Variants in ADARB1 observed in about 807,000 individuals in gnomAD.
The protein encoded by ADARB1 is adenosine deaminase RNA specific B1, also known as double-stranded RNA-specific editase 1.
In ADARB1, 10 loss-of-function variants were observed where a neutral mutation model predicts 52.4. The observed-to-expected ratio is 0.19, with a 90% CI of 0.12 to 0.32. The LOEUF (loss-of-function observed/expected upper bound fraction) is 0.32, where lower values mean the gene tolerates loss of function less well. ADARB1 is among the 10% of genes least tolerant of loss of function. ADARB1 has a pLI of 1.00. For synonymous variants in ADARB1, 349 were observed against 371.1 expected, an observed-to-expected ratio of 0.94 and a Z score of 0.68; for missense variants, 643 against 922.3, an observed-to-expected ratio of 0.70 and a Z score of 3.92.
chr21:45,223,635 C>T lies in ADARB1; in HGVS notation c.*1438C>T. 1.0e-6 allele frequency: 1 copy of T among 985,624 alleles called. No individual in the cohort carries two copies. The highest frequency in any genetic ancestry group is 1.2e-6 in the Non-Finnish European group (1 of 830,114). The allele number at this position is 985,624 out of a possible 1,614,324, so 61.1% of individuals were successfully genotyped here. A position where few individuals can be genotyped will look rare whatever the true frequency, so the allele number is the denominator to read the frequency against. On this transcript the variant is annotated 3_prime_UTR_variant, in exon 11 of 11. Transcript: ENST00000348831. Reference sequence around the variant, plus strand: ...TGCAGACCTTACCCCACAGCATACACCTGCCACAGCGAAATCCAGGGTGTT... The same window carrying T: ...TGCAGACCTTACCCCACAGCATACATCTGCCACAGCGAAATCCAGGGTGTT...
At chr21:45,174,570 G>C (rs1183997209) in intron 3 of ADARB1, among the ~76,000 whole-genome samples, 1 of 152,040 alleles carries the variant, frequency 6.6e-6, no homozygotes, top group African/African-American at 2.4e-5. Flanking sequence ...GGGCATGGTA[G>C]CCCACGCCTG....
intron 2 of ADARB1, among the ~76,000 whole-genome samples, chr21:45,140,134 G>A (rs933112544): frequency 6.6e-6 from 1 of 151,682 alleles, no homozygotes; most frequent in Non-Finnish European, 1.5e-5. Flanking sequence ...GTAGAGATGG[G>A]GTGTTGCCAT....
chr21:45,186,394 A>C (rs2092107724), intron 8 of ADARB1, among the ~76,000 whole-genome samples: 1 of 152,174 alleles, frequency 6.6e-6, no homozygotes, highest in African/African-American at 2.4e-5. Context: ...AACTTATGCA[A>C]ACTCCATCAC....
intron 8 of ADARB1, among the ~76,000 whole-genome samples, chr21:45,196,286 T>G (rs780301202): frequency 1.5e-4 from 22 of 150,820 alleles, no homozygotes; most frequent in Non-Finnish European, 2.8e-4. Flanking sequence ...TAAGTGGATA[T>G]CCCTGTGCAG....
rs187629970 is a variant in ADARB1, at chr21:45,163,537, C to A, written c.-47-8073C>A. On this transcript the variant is annotated intron_variant, in intron 2 of 10. Coordinates refer to ENST00000348831, the MANE Select transcript of ADARB1 (RefSeq NM_001112.4). ...CACAAGGAGCCAGGAATCTCCCCCC[C>A]ACCTCCACCCTGCACCAGGGGCGCT... Among the ~76,000 whole-genome samples, 11 of 152,294 alleles carry A rather than the reference C, an allele frequency of 7.2e-5. No homozygotes were observed. In the East Asian group the frequency reaches 1.2e-3, roughly 16 times the overall value.
intron 2 of ADARB1, chr21:45,144,728 A>G (rs1197771030): frequency 2.3e-6 from 1 of 429,620 alleles, no homozygotes; most frequent in East Asian, 7.3e-5. Flanking sequence ...TGACTACAAA[A>G]TGAATTAATA....
At position 45,129,496 on chromosome 21, in the gene ADARB1, C is replaced by T. The variant is rs117302999; in HGVS notation, c.-48+923C>T. Among the ~76,000 whole-genome samples the T allele has an allele frequency of 2.3e-3, 356 of 152,342 alleles. 7 individuals carry two copies. The East Asian group carries it at 0.047, about 20-fold the overall frequency. On this transcript the variant is annotated intron_variant, in intron 2 of 10. Coordinates refer to ENST00000348831, the MANE Select transcript of ADARB1 (RefSeq NM_001112.4). ...TGCTGGCTGGAGGAACGCAGGTGTG[C>T]TCCTGTGTCCATTTGCTCTGTGGAT...
chr21:45,084,304 A>T (rs574258274), intron 1 of ADARB1, among the ~76,000 whole-genome samples: 1 of 152,242 alleles, frequency 6.6e-6, no homozygotes. Flanking sequence ...GTGCTACGTC[A>T]CTTCCTGCCA....
intron 2 of ADARB1, among the ~76,000 whole-genome samples, chr21:45,139,306 A>C (rs2089575211): frequency 6.6e-6 from 1 of 152,108 alleles, no homozygotes; most frequent in South Asian, 2.1e-4. Flanking sequence ...CATAAATGGC[A>C]CTTATATTAT....
chr21:45,100,094 A>G (rs919872877), intron 1 of ADARB1, among the ~76,000 whole-genome samples: 1 of 152,228 alleles, frequency 6.6e-6, no homozygotes, highest in East Asian at 1.9e-4. Context: ...CCCCCGTGTT[A>G]AAGATTTAAA....
At chr21:45,117,347 G>C (rs2087888604) in intron 1 of ADARB1, among the ~76,000 whole-genome samples, 2 of 152,104 alleles carry the variant, frequency 1.3e-5, no homozygotes, top group African/African-American at 4.8e-5. Context: ...TGTGTACATA[G>C]GAAAAATATG....
intron 8 of ADARB1, among the ~76,000 whole-genome samples, chr21:45,203,700 C>A (rs73386714): frequency 0.025 from 3,806 of 152,276 alleles, 161 homozygotes; most frequent in African/African-American, 0.087. Context: ...ATCCCCACAC[C>A]CTACCTGCCT....
chr21:45,109,277 T>C (rs371926304), intron 1 of ADARB1, among the ~76,000 whole-genome samples: 3 of 146,974 alleles, frequency 2.0e-5, no homozygotes, highest in African/African-American at 5.0e-5. Context: ...ACTGCGCGCG[T>C]GTGCGCGCTT....
At chr21:45,140,734 T>A (rs918040628) in intron 2 of ADARB1, among the ~76,000 whole-genome samples, 1 of 152,208 alleles carries the variant, frequency 6.6e-6, no homozygotes, top group African/African-American at 2.4e-5. Flanking sequence ...AGAGGACCTG[T>A]GAAGCAATGA....
chr21:45,164,989 C>A (rs1450870609), intron 2 of ADARB1, among the ~76,000 whole-genome samples: 1 of 152,084 alleles, frequency 6.6e-6, no homozygotes, highest in Non-Finnish European at 1.5e-5. Context: ...ACCTGCTGCC[C>A]GGGATGGCCA....
Position 45,204,615 on chromosome 21 carries a change from C to T in ADARB1, c.1626C>T (p.Phe542=). 6.2e-7 allele frequency: 1 copy of T among 1,614,196 alleles called. No homozygotes were observed. Among genetic ancestry groups the T allele is most frequent in the Non-Finnish European group, 8.5e-7 (1 of 1,180,034 alleles). ...GCATTTTCGTGGAGCCCATTTACTT[C>T]TCGAGCATCATCCTGGGCAGCCTTT... ...LLSIFVEPIY[F]SSIILGSLYH... The change falls in exon 9 of 11, where the codon TTC becomes TTT. Residue 542 remains phenylalanine (F), a synonymous_variant. Coordinates refer to ENST00000348831, the MANE Select transcript of ADARB1 (RefSeq NM_001112.4). The surrounding 1 kb of genome is among the most constrained non-coding windows in gnomAD (Gnocchi z 4.4).
intron 1 of ADARB1, among the ~76,000 whole-genome samples, chr21:45,112,407 G>A (rs925371384): frequency 6.6e-6 from 1 of 152,040 alleles, no homozygotes; most frequent in Non-Finnish European, 1.5e-5. Flanking sequence ...GGCCCTTGGT[G>A]GACTTCCCCT....
intron 9 of ADARB1, among the ~76,000 whole-genome samples, chr21:45,210,009 C>T (rs780184627): frequency 4.6e-5 from 7 of 152,200 alleles, no homozygotes; most frequent in African/African-American, 7.2e-5. Flanking sequence ...CTGTTTTCCC[C>T]GCGGAGCAGG....
At chr21:45,177,562 GTTC>G (rs2091753457) in intron 4 of ADARB1, 1 of 152,156 alleles carries the variant, frequency 6.6e-6, no homozygotes, top group African/African-American at 2.4e-5. Flanking sequence ...GAAATCCAAA[GTTC>G]TTCTGGTCTA....
Sources: gnomAD v4.1 joint callset for allele counts (sites outside exome capture counted in the v4.1 genomes callset) on GRCh38, gnomAD v4.1.1 for gene constraint, Gnocchi (gnomAD v3.1) non-coding constraint, MANE v1.5 for transcripts, NCBI Gene and HGNC (gene_info 2026-07-23, HGNC 2026-07-21) for gene names.